Variants in EXOC4 observed in about 807,000 individuals in gnomAD.
The protein encoded by EXOC4 is SEC8-like 1.
EXOC4 carries 71 observed loss-of-function variants against 107.2 expected under a neutral mutation model. The ratio of observed to expected loss-of-function variants is 0.66; its 90% CI spans 0.55 to 0.81. The LOEUF is 0.81. EXOC4 is among the 30% of genes least tolerant of loss of function. The probability of loss-of-function intolerance (pLI) is 0.00; values close to 1 mark genes in which losing one functional copy is unlikely to be tolerated. For synonymous variants in EXOC4, 456 were observed against 441.2 expected, an observed-to-expected ratio of 1.03 and a Z score of -0.42; for missense variants, 1,108 against 1,189.6, an observed-to-expected ratio of 0.93 and a Z score of 1.01.
chr7:133,518,646 G>A (rs1799925590), intron 9 of EXOC4, among the ~76,000 whole-genome samples: 1 of 152,188 alleles, frequency 6.6e-6, no homozygotes, highest in Admixed American at 6.5e-5. Flanking sequence ...ACATAGCATA[G>A]AATGTTACTC....
chr7:133,821,483 AT>A (rs989218834), intron 11 of EXOC4, among the ~76,000 whole-genome samples: 1 of 152,114 alleles, frequency 6.6e-6, no homozygotes, highest in African/African-American at 2.4e-5. Context: ...CATTTAGACA[AT>A]TTTTTTTAGC....
intron 5 of EXOC4, among the ~76,000 whole-genome samples, chr7:133,350,478 G>T (rs1211374904): frequency 1.3e-5 from 2 of 151,998 alleles, no homozygotes; most frequent in African/African-American, 2.4e-5. Context: ...TCATTTGACT[G>T]TGTATGTGAG....
intron 11 of EXOC4, among the ~76,000 whole-genome samples, 199 bp from the exon 12 acceptor site, chr7:133,895,400 A>T (rs1371807435): frequency 6.6e-6 from 1 of 151,914 alleles, no homozygotes; most frequent in African/African-American, 2.4e-5. Context: ...TGCGTCGCTC[A>T]CGCTGGGAGC....
chr7:133,841,012 G>C (rs999411204), intron 11 of EXOC4, among the ~76,000 whole-genome samples: 1 of 152,188 alleles, frequency 6.6e-6, no homozygotes, highest in Non-Finnish European at 1.5e-5. Flanking sequence ...AAAATGGGTA[G>C]CTCATAAACA....
chr7:133,658,521 T>G (rs1416152563), intron 10 of EXOC4, among the ~76,000 whole-genome samples: 2 of 152,214 alleles, frequency 1.3e-5, no homozygotes, highest in East Asian at 3.9e-4. Flanking sequence ...AGTACATGAT[T>G]GCACCTAGCC....
At chr7:133,857,762 A>T (rs1228131694) in intron 11 of EXOC4, among the ~76,000 whole-genome samples, 1 of 152,078 alleles carries the variant, frequency 6.6e-6, no homozygotes, top group Admixed American at 6.5e-5. Context: ...GAATGTGGTG[A>T]CATCTGAAAA....
intron 5 of EXOC4, among the ~76,000 whole-genome samples, chr7:133,353,097 T>C (rs1795947246): frequency 6.6e-6 from 1 of 152,152 alleles, no homozygotes; most frequent in African/African-American, 2.4e-5. Flanking sequence ...TACTAGCTTT[T>C]AGACTAATAA....
chr7:133,594,481 A>G lies in EXOC4; in HGVS notation c.1418-35564A>G, dbSNP rs534149769. Among the ~76,000 whole-genome samples, 7 of 121,896 alleles carry G rather than the reference A, an allele frequency of 5.7e-5. No individual in the cohort carries two copies. In the South Asian group the frequency reaches 8.9e-4, roughly 16 times the overall value. 80.0% of individuals were successfully genotyped at this position (121,896 alleles called of 152,430 possible). A position where few individuals can be genotyped will look rare whatever the true frequency, so the allele number is the denominator to read the frequency against. ...GGAGAGTTGATGAGACAAGAAATACATAAGCTTGAGTCTTTTTTTTTTTTT... is the reference window on the plus strand; with the variant it reads ...GGAGAGTTGATGAGACAAGAAATACGTAAGCTTGAGTCTTTTTTTTTTTTT... On this transcript the variant is annotated intron_variant, in intron 9 of 17. Transcript: ENST00000253861.
intron 10 of EXOC4, among the ~76,000 whole-genome samples, chr7:133,634,976 CT>C (rs34470270): frequency 0.98 from 149,140 of 152,214 alleles, 73,136 homozygotes; most frequent in East Asian, 1. Flanking sequence ...CTCTAGAAGA[CT>C]TTTAAGACGA....
intron 1 of EXOC4, among the ~76,000 whole-genome samples, chr7:133,264,349 A>G (rs572731845): frequency 4.6e-5 from 7 of 152,296 alleles, no homozygotes; most frequent in African/African-American, 1.7e-4. Flanking sequence ...CTTTAAAGCA[A>G]AAATTGTTTA....
chr7:133,962,663 G>A (rs1289885550), intron 14 of EXOC4, among the ~76,000 whole-genome samples: 1 of 152,154 alleles, frequency 6.6e-6, no homozygotes, highest in African/African-American at 2.4e-5. Flanking sequence ...AAGTTAAACA[G>A]ATTTAAATTT....
chr7:133,532,802 C>T (rs538631748), intron 9 of EXOC4, among the ~76,000 whole-genome samples: 1 of 152,066 alleles, frequency 6.6e-6, no homozygotes, highest in South Asian at 2.1e-4. Context: ...AGAAAATTTA[C>T]TTTTGAGGAG....
intron 10 of EXOC4, among the ~76,000 whole-genome samples, chr7:133,649,450 A>AAG (rs1306736925): frequency 1.5e-5 from 2 of 132,496 alleles, no homozygotes; most frequent in East Asian, 4.4e-4. Flanking sequence ...ACTGTGTGTG[A>AAG]AGCATTACTA....
At chr7:133,303,672 T>C (rs1336838283) in intron 3 of EXOC4, among the ~76,000 whole-genome samples, 1 of 152,212 alleles carries the variant, frequency 6.6e-6, no homozygotes, top group East Asian at 1.9e-4. Context: ...CTATTCTCTT[T>C]CCTCTTTTGT....
downstream of EXOC4, among the ~76,000 whole-genome samples, chr7:134,069,737 G>A (rs1017382157): frequency 3.3e-5 from 5 of 152,132 alleles, no homozygotes; most frequent in Non-Finnish European, 7.3e-5. Context: ...CTCCCAAAGC[G>A]CTGGGACTAC....
chr7:133,611,671 C>A (rs930788253), intron 9 of EXOC4, among the ~76,000 whole-genome samples: 1 of 152,076 alleles, frequency 6.6e-6, no homozygotes, highest in African/African-American at 2.4e-5. Flanking sequence ...CCAGAACACA[C>A]CTTCCTCTAT....
chr7:134,058,649 C>T (rs1795985330), intron 17 of EXOC4, among the ~76,000 whole-genome samples: 1 of 121,918 alleles, frequency 8.2e-6, no homozygotes, highest in African/African-American at 3.6e-5. Flanking sequence ...CACCACAATA[C>T]TGGCTCATTG....
chr7:133,365,695 T>G (rs1405452171), intron 6 of EXOC4, among the ~76,000 whole-genome samples: 1 of 152,158 alleles, frequency 6.6e-6, no homozygotes, highest in Non-Finnish European at 1.5e-5. Flanking sequence ...CGTATTTCTA[T>G]CCCTTAGAAG....
intron 10 of EXOC4, among the ~76,000 whole-genome samples, chr7:133,689,678 C>A (rs997546971): frequency 3.3e-5 from 5 of 152,166 alleles, no homozygotes; most frequent in African/African-American, 1.2e-4. Flanking sequence ...AGGGACTTTT[C>A]CTCAACTAAC....
Sources: allele counts gnomAD v4.1 joint callset (sites outside exome capture counted in the v4.1 genomes callset), GRCh38; gene constraint gnomAD v4.1.1; transcripts MANE v1.5; gene names NCBI Gene and HGNC (gene_info 2026-07-23, HGNC 2026-07-21).